COL21A1: variants seen among roughly 807,000 people sequenced by gnomAD.
COL21A1 encodes the protein collagen type XXI alpha 1 chain, also known as collagen alpha-1(XXI) chain.
A neutral mutation model predicts 137.9 loss-of-function variants in COL21A1; 149 were observed. The observed-to-expected ratio is 1.08, with a 90% CI of 0.95 to 1.24. The LOEUF is 1.24. COL21A1 is among the 50% of genes most tolerant of loss of function. The pLI, the probability that COL21A1 is intolerant of heterozygous loss-of-function variation, is 0.00. For missense variants in COL21A1, 1,167 were observed against 1,158.4 expected (o/e 1.01, Z -0.11); for synonymous variants, 456 against 391.5 (o/e 1.16, Z -1.95).
chr6:56,259,231 A>G (rs1763189543), intron 1 of COL21A1, among the ~76,000 whole-genome samples: 1 of 152,048 alleles, frequency 6.6e-6, no homozygotes, highest in Admixed American at 6.5e-5. Flanking sequence ...CTGAGACAGA[A>G]CCATCCTGGC....
rs1349836708 is a variant in COL21A1, at chr6:56,168,199, T to C, written c.1125A>G (p.Leu375=). ...IDDQQIENKP[L]HPVLGILING... ...TGATCAAGATCCCTAAAACTGGATG[T>C]AAGGGCTTGTTTTCAATTTGTTGGT... is the stretch of plus-strand genomic sequence containing the variant. Residue 375 remains leucine, a synonymous_variant, in exon 6 of 30, where the codon TTA becomes TTG. Transcript: ENST00000244728. 3.2e-6 allele frequency: 5 copies of C among 1,565,084 alleles called. No homozygotes were observed. Among genetic ancestry groups the C allele is most frequent in the Non-Finnish European group, 4.3e-6 (5 of 1,152,504 alleles).
At chr6:56,105,183 AT>A (rs1442409901) in intron 16 of COL21A1, among the ~76,000 whole-genome samples, 1 of 152,180 alleles carries the variant, frequency 6.6e-6, no homozygotes, top group East Asian at 1.9e-4. Flanking sequence ...TCACTCTGCC[AT>A]GGAACTAGCT....
At chr6:56,203,831 G>A (rs926589551) in intron 1 of COL21A1, among the ~76,000 whole-genome samples, 1 of 152,168 alleles carries the variant, frequency 6.6e-6, no homozygotes, top group African/African-American at 2.4e-5. Flanking sequence ...CTGAAGCAGG[G>A]TGGGGCATCA....
intron 1 of COL21A1, among the ~76,000 whole-genome samples, chr6:56,241,032 T>C (rs1177105481): frequency 6.6e-6 from 1 of 152,126 alleles, no homozygotes; most frequent in Non-Finnish European, 1.5e-5. Context: ...CCCCATTCCA[T>C]AGGCACCCAA....
chr6:56,122,340 T>G (rs1231251523), intron 16 of COL21A1, among the ~76,000 whole-genome samples: 1 of 148,980 alleles, frequency 6.7e-6, no homozygotes, highest in Non-Finnish European at 1.5e-5. Context: ...TGAGATGGAG[T>G]CTGGCTGTGT....
chr6:56,129,947 T>C (rs552897183), intron 12 of COL21A1, among the ~76,000 whole-genome samples: 41 of 148,572 alleles, frequency 2.8e-4, no homozygotes, highest in African/African-American at 9.7e-4. Context: ...TGAATATATA[T>C]ATTCAAAGTG....
intron 10 of COL21A1, among the ~76,000 whole-genome samples, chr6:56,156,001 T>C (rs955033464): frequency 2.0e-5 from 3 of 152,264 alleles, no homozygotes; most frequent in Admixed American, 6.5e-5. Flanking sequence ...ATGTTCCCTT[T>C]ACATCTCTAA....
At chr6:56,294,153 C>T in intron 1 of COL21A1, among the ~76,000 whole-genome samples, 1 of 152,058 alleles carries the variant, frequency 6.6e-6, no homozygotes, top group East Asian at 1.9e-4. Flanking sequence ...GGGACTATCA[C>T]TTACAATTAT....
At chr6:56,259,283 C>T (rs1763190471) in intron 1 of COL21A1, among the ~76,000 whole-genome samples, 1 of 152,218 alleles carries the variant, frequency 6.6e-6, no homozygotes, top group Non-Finnish European at 1.5e-5. Context: ...TCAATGCTTC[C>T]ATTTGCATTT....
rs143085914 is a variant in COL21A1 at position 56,382,954 on chromosome 6, A to G, written c.-39+11017T>C. Reference sequence around the variant, plus strand: ...ACACATTTCCTCACATAGTCCCCCGACCCATACCTCAACAGTACTCACAGT... The same window carrying G: ...ACACATTTCCTCACATAGTCCCCCGGCCCATACCTCAACAGTACTCACAGT... On this transcript the variant is annotated intron_variant, in intron 1 of 28. Transcript: ENST00000370819. 3.3e-5 allele frequency among the ~76,000 whole-genome samples: 5 copies of G among 152,124 alleles called. No individual in the cohort carries two copies. The East Asian group carries it at 9.6e-4, about 29-fold the overall frequency.
intron 12 of COL21A1, among the ~76,000 whole-genome samples, chr6:56,130,785 G>A (rs748340361): frequency 1.3e-5 from 2 of 151,940 alleles, no homozygotes; most frequent in African/African-American, 2.4e-5. Context: ...AGGAGAGAGC[G>A]AGCAGCAACA....
intron 10 of COL21A1, among the ~76,000 whole-genome samples, chr6:56,143,476 A>C (rs913247130): frequency 2.0e-5 from 3 of 152,156 alleles, no homozygotes; most frequent in Non-Finnish European, 4.4e-5. Flanking sequence ...CTAGGATTAC[A>C]GGCGTGAGCC....
At chr6:56,089,219 G>C (rs1397834692) in intron 17 of COL21A1, among the ~76,000 whole-genome samples, 1 of 152,098 alleles carries the variant, frequency 6.6e-6, no homozygotes, top group Non-Finnish European at 1.5e-5. Context: ...AACAGGAGGT[G>C]GCTATGAAAT....
chr6:56,075,324 A>G (rs1767125834), intron 19 of COL21A1, among the ~76,000 whole-genome samples, 155 bp downstream of exon 19: 1 of 151,468 alleles, frequency 6.6e-6, no homozygotes, highest in Non-Finnish European at 1.5e-5. Context: ...GCACATAGAC[A>G]TAATATGTTT....
chr6:56,378,052 C>T (rs1231865130), intron 1 of COL21A1, among the ~76,000 whole-genome samples: 1 of 152,042 alleles, frequency 6.6e-6, no homozygotes, highest in African/African-American at 2.4e-5. Flanking sequence ...CCTTGGGCCC[C>T]AAATAACCAG....
intron 9 of COL21A1, among the ~76,000 whole-genome samples, chr6:56,160,327 T>A (rs1776101569): frequency 6.6e-6 from 1 of 152,322 alleles, no homozygotes; most frequent in Non-Finnish European, 1.5e-5. Context: ...TATTCCCATT[T>A]TCTGTGTAGG....
chr6:56,058,708 C>T (rs895609705), intron 29 of COL21A1, among the ~76,000 whole-genome samples: 5 of 152,154 alleles, frequency 3.3e-5, no homozygotes, highest in African/African-American at 1.2e-4. Context: ...GAAAGCACTA[C>T]ATATAGAAAG....
chr6:56,326,899 A>G (rs1765108003), intron 1 of COL21A1, among the ~76,000 whole-genome samples: 1 of 152,044 alleles, frequency 6.6e-6, no homozygotes, highest in African/African-American at 2.4e-5. Flanking sequence ...TCTGCCTTTA[A>G]AAGTTACTTC....
At chr6:56,124,849 G>A (rs1343318558) in intron 14 of COL21A1, among the ~76,000 whole-genome samples, 1 of 151,798 alleles carries the variant, frequency 6.6e-6, no homozygotes, top group Non-Finnish European at 1.5e-5. Context: ...GTTTCACCGT[G>A]TTAGCCAGGA....
Sources: allele counts gnomAD v4.1 joint callset (sites outside exome capture counted in the v4.1 genomes callset), GRCh38; gene constraint gnomAD v4.1.1; transcripts MANE v1.5; gene names NCBI Gene and HGNC (gene_info 2026-07-23, HGNC 2026-07-21).